UNKL: variants seen among roughly 807,000 people sequenced by gnomAD.
The protein encoded by UNKL is unk like zinc finger, also known as putative E3 ubiquitin-protein ligase UNKL.
A neutral mutation model predicts 78.0 loss-of-function variants in UNKL; 60 were observed. The ratio of observed to expected loss-of-function variants is 0.77; its 90% CI spans 0.63 to 0.95. The LOEUF (loss-of-function observed/expected upper bound fraction) is 0.95. UNKL is among the 40% of genes least tolerant of loss of function. The probability of loss-of-function intolerance (pLI) is 0.00; values close to 1 mark genes in which losing one functional copy is unlikely to be tolerated. For missense variants in UNKL, 1,159 were observed against 1,045.7 expected, an observed-to-expected ratio of 1.11 and a Z score of -1.49; for synonymous variants, 608 against 474.8, an observed-to-expected ratio of 1.28 and a Z score of -3.65.
intron 11 of UNKL, among the ~76,000 whole-genome samples, 200 bp downstream of exon 11, chr16:1,371,319 G>A (rs1027909855): frequency 6.6e-6 from 1 of 152,264 alleles, no homozygotes; most frequent in East Asian, 1.9e-4. Flanking sequence ...GGGAGAGGAG[G>A]AGGAGGTACC....
chr16:1,410,170 G>A (rs1302363363), intron 2 of UNKL, among the ~76,000 whole-genome samples: 1 of 152,104 alleles, frequency 6.6e-6, no homozygotes, highest in East Asian at 1.9e-4. Flanking sequence ...GGAGGCTAAG[G>A]TGGGAGGACT....
At chr16:1,395,554 G>A in intron 6 of UNKL, 1 of 397,640 alleles carries the variant, frequency 2.5e-6, no homozygotes, top group Admixed American at 2.6e-5. Flanking sequence ...TCCATACCCT[G>A]CACCTTCTAG....
chr16:1,367,104 C>G lies in UNKL; in HGVS notation c.2034G>C (p.Glu678Asp). The change falls in exon 14 of 15, where the codon GAG becomes GAC. Residue 678 changes from glutamate (E) to aspartate (D), a missense_variant. By Grantham distance (45) the Glu-to-Asp change is conservative (BLOSUM62 2). Transcript: ENST00000389221. ...SLQSQLRLDLEAVDGVIFQLR... is the reference protein window; with the variant it reads ...SLQSQLRLDLDAVDGVIFQLR... Reference sequence around the variant, plus strand: ...GAGCAGGACTCACGCCGTCCACCGCCTCCAGGTCCAGGCGCAGCTGACTCT... The same window carrying G: ...GAGCAGGACTCACGCCGTCCACCGCGTCCAGGTCCAGGCGCAGCTGACTCT... The G allele has an allele frequency of 6.4e-7, 1 of 1,574,424 alleles. No individual in the cohort carries two copies. Among genetic ancestry groups the G allele is most frequent in the Non-Finnish European group, 8.6e-7 (1 of 1,164,074 alleles).
At chr16:1,390,474 C>T (rs534029090) in intron 9 of UNKL, among the ~76,000 whole-genome samples, 158 bp downstream of exon 9, 2 of 152,190 alleles carry the variant, frequency 1.3e-5, no homozygotes, top group African/African-American at 4.8e-5. Context: ...CTACAACAAG[C>T]GGACGTCAAC....
chr16:1,409,413 A>AT (rs11386413), intron 2 of UNKL, among the ~76,000 whole-genome samples: 139,895 of 152,164 alleles, frequency 0.92, 64,412 homozygotes, highest in East Asian at 1. Context: ...TGGAGGAGAG[A>AT]TCTCAGGGGA....
intron 3 of UNKL, among the ~76,000 whole-genome samples, chr16:1,402,093 G>C (rs1471259558): frequency 6.6e-6 from 1 of 152,240 alleles, no homozygotes; most frequent in African/African-American, 2.4e-5. Flanking sequence ...TTTTGTGTGG[G>C]CAGGATTCGC....
At chr16:1,411,426 G>A (rs2038033393) in intron 2 of UNKL, among the ~76,000 whole-genome samples, 1 of 152,142 alleles carries the variant, frequency 6.6e-6, no homozygotes, top group African/African-American at 2.4e-5. Flanking sequence ...CAGCTGCTCA[G>A]GAGGCTGAGG....
At position 1,374,739 on chromosome 16, in the gene UNKL, C is replaced by T. The variant is rs189552321; in HGVS notation, c.1265-3128G>A. 5.3e-5 allele frequency among the ~76,000 whole-genome samples: 8 copies of T among 152,230 alleles called. No homozygotes were observed. In the East Asian group the frequency reaches 1.6e-3, roughly 30 times the overall value. On this transcript the variant is annotated intron_variant, in intron 10 of 14. Transcript: ENST00000389221. ...GGCTGACTCGTCAGGACTTGGTGGC[C>T]ATGTCAGGGTGACAGCAGGTTCACC...
chr16:1,401,540 C>G, intron 4 of UNKL, 28 bp downstream of exon 4: 5 of 1,515,114 alleles, frequency 3.3e-6, no homozygotes, highest in Non-Finnish European at 4.5e-6. Flanking sequence ...CCCCCCACCA[C>G]CGCCCTCAGC....
chr16:1,379,844 G>A (rs1335983019), intron 10 of UNKL, among the ~76,000 whole-genome samples: 1 of 152,164 alleles, frequency 6.6e-6, no homozygotes, highest in Non-Finnish European at 1.5e-5. Context: ...AGCTGGGCGG[G>A]CAAGTGGGCG....
At chr16:1,410,048 C>G (rs1169657734) in intron 2 of UNKL, among the ~76,000 whole-genome samples, 1 of 152,094 alleles carries the variant, frequency 6.6e-6, no homozygotes, top group East Asian at 1.9e-4. Flanking sequence ...CACTTCACTC[C>G]AGTCTGGTAG....
chr16:1,388,555 T>C (rs777077644), intron 9 of UNKL, among the ~76,000 whole-genome samples: 15 of 152,074 alleles, frequency 9.9e-5, no homozygotes, highest in Non-Finnish European at 1.6e-4. Context: ...ATGCGCACAC[T>C]GTGACTTCAG....
Position 1,371,530 on chromosome 16 carries a change from A to G in UNKL, c.1346T>C (p.Leu449Pro). ...KDLEEQDGHDLGAAGPRSLAG... is the reference protein window; with the variant it reads ...KDLEEQDGHDPGAAGPRSLAG... ...CTCCCCACCCTCACCTGCTGCTCCC[A>G]GGTCGTGGCCGTCTTGCTCTTCCAG... The change falls in exon 11 of 15, where the codon CTG becomes CCG. Residue 449 changes from leucine to proline, a missense_variant. Physicochemically the swap from Leu to Pro is moderately conservative, Grantham distance 98. Coordinates refer to ENST00000389221, the MANE Select transcript of UNKL (RefSeq NM_001372107.1). 3 of 1,536,136 alleles carry G rather than the reference A, an allele frequency of 2.0e-6. No homozygotes were observed. The highest frequency in any genetic ancestry group is 2.6e-6 in the Non-Finnish European group (3 of 1,146,884).
rs957863158 is a variant in UNKL, at chr16:1,385,255, C to G, written c.1217G>C (p.Arg406Pro). 7.6e-7 allele frequency: 1 copy of G among 1,310,850 alleles called. No homozygotes were observed. The highest frequency in any genetic ancestry group is 9.7e-7 in the Non-Finnish European group (1 of 1,032,500). 81.2% of individuals were successfully genotyped at this position (1,310,850 alleles called of 1,614,324 possible). ...SPTALPAPPA[R>P]ALPLGPASST... ...GCTGGCGGGGCCGAGCGGGAGGGCA[C>G]GGGCGGGGGGCGCGGGCAGCGCAGT... Residue 406 changes from arginine (R) to proline (P), a missense_variant, in exon 10 of 15, where the codon CGT becomes CCT. By Grantham distance (103) the Arg-to-Pro change is moderately radical (BLOSUM62 -2). Transcript: ENST00000389221.
chr16:1,396,678 C>A (rs2037276850), intron 6 of UNKL, among the ~76,000 whole-genome samples: 1 of 152,166 alleles, frequency 6.6e-6, no homozygotes, highest in Non-Finnish European at 1.5e-5. Flanking sequence ...ACTGCAAGCT[C>A]CGCCTCCTGG....
chr16:1,399,673 C>T lies in UNKL; in HGVS notation c.599-164G>A, dbSNP rs1383292765. ...CGGCACACGCTGATGTCAAAGGACT[C>T]GCGCTCCATGAGGGAAGCCGGGCCA... On this transcript the variant is annotated intron_variant, in intron 4 of 14. Coordinates refer to ENST00000389221, the MANE Select transcript of UNKL (RefSeq NM_001372107.1). The surrounding 1 kb of genome is among the most constrained non-coding windows in gnomAD (Gnocchi z 5.8). 7.4e-6 allele frequency: 8 copies of T among 1,074,612 alleles called. No individual in the cohort carries two copies. Among genetic ancestry groups the T allele is most frequent in the African/African-American group, 1.7e-5 (1 of 59,644 alleles). The allele number at this position is 1,074,612 out of a possible 1,614,324, so 66.6% of individuals were successfully genotyped here.
chr16:1,379,480 C>G, intron 10 of UNKL: 1 of 985,304 alleles, frequency 1.0e-6, no homozygotes, highest in African/African-American at 1.7e-5. Context: ...CTCTGAGAAG[C>G]CCGGGCCCAC....
intron 2 of UNKL, chr16:1,406,226 T>TG (rs954261175): frequency 2.9e-6 from 1 of 342,016 alleles, no homozygotes. Context: ...TAATTTTTTT[T>TG]TTTTTTGAGA....
chr16:1,411,959 C>T (rs1210331589), intron 2 of UNKL: 1 of 152,094 alleles, frequency 6.6e-6, no homozygotes, highest in Non-Finnish European at 1.5e-5. Flanking sequence ...TAAAGGAAAA[C>T]AGACTTCACA....
Sources: gnomAD v4.1 joint callset for allele counts (sites outside exome capture counted in the v4.1 genomes callset) on GRCh38, gnomAD v4.1.1 for gene constraint, Gnocchi (gnomAD v3.1) non-coding constraint, MANE v1.5 for transcripts, NCBI Gene and HGNC (gene_info 2026-07-23, HGNC 2026-07-21) for gene names.